The following NDFIP2 variants were observed in gnomAD, a reference collection of about 807,000 sequenced individuals.
The protein encoded by NDFIP2 is NEDD4 family-interacting protein 2.
In NDFIP2, 19 loss-of-function variants were observed where a neutral mutation model predicts 36.0. That is an observed-to-expected ratio of 0.53 (90% CI 0.37 to 0.77). The LOEUF is 0.77. NDFIP2 is among the 30% of genes least tolerant of loss of function. NDFIP2 has a pLI of 0.00. For missense variants in NDFIP2, 446 were observed against 435.8 expected, an observed-to-expected ratio of 1.02 and a Z score of -0.21; for synonymous variants, 181 against 167.7, an observed-to-expected ratio of 1.08 and a Z score of -0.61.
Position 79,539,787 on chromosome 13 carries a change from T to G in NDFIP2, c.715+12T>G. 1 of 1,610,238 alleles carries G rather than the reference T, an allele frequency of 6.2e-7. No individual in the cohort carries two copies. Among genetic ancestry groups the G allele is most frequent in the Non-Finnish European group, 8.5e-7 (1 of 1,176,570 alleles). On this transcript the variant is annotated intron_variant, in intron 4 of 7. Coordinates refer to ENST00000218652, the MANE Select transcript of NDFIP2 (RefSeq NM_019080.3). ...GCTGGCATTTTTCAGTAAGTAATCT[T>G]CCTAAACTATTTTGGGTTGTTTTTA... is the stretch of plus-strand genomic sequence containing the variant.
rs1415794921 is a variant in NDFIP2 at position 79,498,610 on chromosome 13, A to G, written c.321+17086A>G. On this transcript the variant is annotated intron_variant, in intron 1 of 7. Coordinates refer to ENST00000218652, the MANE Select transcript of NDFIP2 (RefSeq NM_019080.3). ...GAGGGCCTTCATGCCATGTCATCCTATGTCAAAAAGTAGAAAGGGAAGAGA... is the reference window on the plus strand; with the variant it reads ...GAGGGCCTTCATGCCATGTCATCCTGTGTCAAAAAGTAGAAAGGGAAGAGA... 2.6e-5 allele frequency among the ~76,000 whole-genome samples: 4 copies of G among 151,990 alleles called. No individual in the cohort carries two copies. In the East Asian group the frequency reaches 7.7e-4, roughly 29 times the overall value.
chr13:79,490,513 T>G (rs763530182), intron 1 of NDFIP2, among the ~76,000 whole-genome samples: 64 of 152,254 alleles, frequency 4.2e-4, no homozygotes, highest in Non-Finnish European at 6.3e-4. Context: ...GATAGTATTT[T>G]AGGCTTTATA....
chr13:79,489,389 TG>T (rs1873138874), intron 1 of NDFIP2, among the ~76,000 whole-genome samples: 2 of 152,230 alleles, frequency 1.3e-5, no homozygotes, highest in Admixed American at 6.5e-5. Flanking sequence ...TCTTAAGGCC[TG>T]GGCTTGGAAA....
intron 4 of NDFIP2, among the ~76,000 whole-genome samples, chr13:79,543,192 A>G (rs1219941844): frequency 6.6e-6 from 1 of 152,166 alleles, no homozygotes; most frequent in African/African-American, 2.4e-5. Flanking sequence ...TACCTTTTTT[A>G]AAAAGCCAAT....
At chr13:79,496,632 C>T (rs1197339501) in intron 1 of NDFIP2, among the ~76,000 whole-genome samples, 1 of 151,482 alleles carries the variant, frequency 6.6e-6, no homozygotes, top group Non-Finnish European at 1.5e-5. Flanking sequence ...GTTTTTCCTG[C>T]CCTAATCTCT....
intron 1 of NDFIP2, among the ~76,000 whole-genome samples, chr13:79,498,081 A>G (rs987886283): frequency 6.6e-6 from 1 of 151,830 alleles, no homozygotes; most frequent in South Asian, 2.1e-4. Flanking sequence ...AATACTCATA[A>G]AGGTGAATTT....
chr13:79,497,822 G>GTGTGTA (rs1555356395), intron 1 of NDFIP2, among the ~76,000 whole-genome samples: 1 of 151,076 alleles, frequency 6.6e-6, no homozygotes, highest in Non-Finnish European at 1.5e-5. Context: ...GTGTGTGTGT[G>GTGTGTA]TGTGTGTATG....
intron 4 of NDFIP2, among the ~76,000 whole-genome samples, chr13:79,540,635 TA>T (rs1311094827): frequency 6.6e-6 from 1 of 152,198 alleles, no homozygotes; most frequent in Non-Finnish European, 1.5e-5. Context: ...TTTACTTATT[TA>T]AAGTGCCACA....
chr13:79,491,930 G>A (rs1158836257), intron 1 of NDFIP2, among the ~76,000 whole-genome samples: 2 of 152,176 alleles, frequency 1.3e-5, no homozygotes, highest in African/African-American at 4.8e-5. Context: ...TGCTGCAGTA[G>A]TCTAAGATTT....
chr13:79,528,583 C>T (rs1343055542), intron 2 of NDFIP2, among the ~76,000 whole-genome samples: 2 of 152,172 alleles, frequency 1.3e-5, no homozygotes, highest in Non-Finnish European at 2.9e-5. Context: ...AACTTCCAGT[C>T]TTCTAAGCTC....
intron 3 of NDFIP2, among the ~76,000 whole-genome samples, chr13:79,537,278 G>C (rs1402906053): frequency 6.6e-6 from 1 of 151,774 alleles, no homozygotes; most frequent in African/African-American, 2.4e-5. Flanking sequence ...TGGTTAATTT[G>C]TTTTTGTATT....
chr13:79,554,128 C>G lies in NDFIP2; in HGVS notation c.*1615C>G, dbSNP rs1170556849. 1 of 151,206 alleles carries G rather than the reference C, an allele frequency of 6.6e-6. No individual in the cohort carries two copies. The highest frequency in any genetic ancestry group is 2.4e-5 in the African/African-American group (1 of 41,298). 9.4% of individuals were successfully genotyped at this position (151,206 alleles called of 1,614,324 possible). On this transcript the variant is annotated 3_prime_UTR_variant, in exon 8 of 8. Coordinates refer to ENST00000218652, the MANE Select transcript of NDFIP2 (RefSeq NM_019080.3). Reference sequence around the variant, plus strand: ...TGTTTTGTCTCATTCAGTTTACTTTCCTGCGTAGAATTTTTATTGTTATAT... The same window carrying G: ...TGTTTTGTCTCATTCAGTTTACTTTGCTGCGTAGAATTTTTATTGTTATAT...
intron 1 of NDFIP2, among the ~76,000 whole-genome samples, chr13:79,505,316 T>A (rs892225146): frequency 6.6e-6 from 1 of 152,182 alleles, no homozygotes; most frequent in East Asian, 1.9e-4. Context: ...GGGTGTGTTA[T>A]CCTTACTGTG....
intron 4 of NDFIP2, among the ~76,000 whole-genome samples, 161 bp downstream of exon 4, chr13:79,539,936 G>A (rs1875391693): frequency 1.3e-5 from 2 of 152,310 alleles, no homozygotes; most frequent in Admixed American, 6.5e-5. Context: ...GTGATCATAT[G>A]TTTAAATACA....
intron 1 of NDFIP2, among the ~76,000 whole-genome samples, chr13:79,498,489 A>G (rs1873534063): frequency 6.6e-6 from 1 of 151,994 alleles, no homozygotes; most frequent in Admixed American, 6.6e-5. Flanking sequence ...TGCTGCCATA[A>G]CAATACCACA....
chr13:79,540,454 T>C (rs1875411864), intron 4 of NDFIP2, among the ~76,000 whole-genome samples: 1 of 152,222 alleles, frequency 6.6e-6, no homozygotes, highest in African/African-American at 2.4e-5. Context: ...TTTAAATTAC[T>C]AAAGCCAGTG....
chr13:79,498,081 A>C (rs987886283), intron 1 of NDFIP2, among the ~76,000 whole-genome samples: 1 of 151,830 alleles, frequency 6.6e-6, no homozygotes, highest in South Asian at 2.1e-4. Flanking sequence ...AATACTCATA[A>C]AGGTGAATTT....
At chr13:79,497,363 T>A (rs552736976) in intron 1 of NDFIP2, among the ~76,000 whole-genome samples, 72 of 151,950 alleles carry the variant, frequency 4.7e-4, no homozygotes, top group Non-Finnish European at 8.8e-4. Flanking sequence ...GGGTTTCTAG[T>A]GGAGTTTTAG....
In NDFIP2 at chr13:79,515,910, C is replaced by T. The variant is rs183232417; in HGVS notation, c.322-4900C>T. Among the ~76,000 whole-genome samples the T allele has an allele frequency of 2.4e-3, 313 of 131,374 alleles. 1 individual carries two copies. Among genetic ancestry groups the T allele is most frequent in the African/African-American group, 8.4e-3 (291 of 34,562 alleles). The allele number at this position is 131,374 out of a possible 152,430, so 86.2% of individuals were successfully genotyped here. A position where few individuals can be genotyped will look rare whatever the true frequency, so the allele number is the denominator to read the frequency against. On this transcript the variant is annotated intron_variant, in intron 1 of 7. Coordinates refer to ENST00000218652, the MANE Select transcript of NDFIP2 (RefSeq NM_019080.3). ...TAAAAAGGTGACACAGAATGATATA[C>T]TCTAAGGTTTTTCTTTTTTTTTTTT...
Sources: gnomAD v4.1 joint callset for allele counts (sites outside exome capture counted in the v4.1 genomes callset) on GRCh38, gnomAD v4.1.1 for gene constraint, MANE v1.5 for transcripts, NCBI Gene and HGNC (gene_info 2026-07-23, HGNC 2026-07-21) for gene names.